MAP3K20: variants seen among roughly 807,000 people sequenced by gnomAD.
MAP3K20 encodes the protein HCCS-4.
In MAP3K20, 40 loss-of-function variants were observed where a neutral mutation model predicts 85.7. The ratio of observed to expected loss-of-function variants is 0.47; its 90% CI spans 0.36 to 0.61. The LOEUF (loss-of-function observed/expected upper bound fraction) is 0.61, where lower values mean the gene tolerates loss of function less well. Among genes scored for constraint, MAP3K20 ranks in the 20% least tolerant of loss-of-function variants. The probability of loss-of-function intolerance (pLI) is 0.00; values close to 1 mark genes in which losing one functional copy is unlikely to be tolerated. For synonymous variants in MAP3K20, 325 were observed against 327.7 expected, an observed-to-expected ratio of 0.99 and a Z score of 0.09; for missense variants, 817 against 961.7, an observed-to-expected ratio of 0.85 and a Z score of 1.99.
intron 2 of MAP3K20, 68 bp from the exon 3 acceptor site, chr2:173,169,737 A>C: frequency 1.3e-6 from 2 of 1,486,444 alleles, no homozygotes; most frequent in African/African-American, 2.8e-5. Flanking sequence ...AATGAGTAGG[A>C]AGCCTGTTTT....
At chr2:173,163,617 G>T (rs1291862809) in intron 2 of MAP3K20, among the ~76,000 whole-genome samples, 1 of 152,114 alleles carries the variant, frequency 6.6e-6, no homozygotes, top group Non-Finnish European at 1.5e-5. Context: ...AGTATTCCAT[G>T]GTATGTATGT....
At chr2:173,209,494 G>A (rs753680643) in intron 9 of MAP3K20, among the ~76,000 whole-genome samples, 1 of 152,108 alleles carries the variant, frequency 6.6e-6, no homozygotes, top group Non-Finnish European at 1.5e-5. Flanking sequence ...TAGGCCACAC[G>A]ATAGAAAACA....
At chr2:173,229,653 CTT>C (rs748770737) in intron 11 of MAP3K20, 34 bp from the exon 12 acceptor site, 10 of 1,449,498 alleles carry the variant, frequency 6.9e-6, no homozygotes, top group Non-Finnish European at 6.6e-6. Flanking sequence ...GATAATATTA[CTT>C]TTTTTTTTCA....
chr2:173,091,824 G>C (rs34676370), intron 2 of MAP3K20, among the ~76,000 whole-genome samples: 1 of 152,132 alleles, frequency 6.6e-6, no homozygotes, highest in Non-Finnish European at 1.5e-5. Context: ...TCTTAGAACT[G>C]TCATCCTTCT....
chr2:173,189,993 C>A, intron 5 of MAP3K20, among the ~76,000 whole-genome samples: 1 of 152,166 alleles, frequency 6.6e-6, no homozygotes, highest in East Asian at 1.9e-4. Flanking sequence ...AGTCTCCCCT[C>A]TGCACCTTTG....
At chr2:173,226,326 T>C in intron 11 of MAP3K20, 2 of 984,560 alleles carry the variant, frequency 2.0e-6, no homozygotes, top group Non-Finnish European at 2.4e-6. Context: ...GAGTTAAATA[T>C]TAATACTTTA....
chr2:173,190,284 C>T (rs2106274053), intron 5 of MAP3K20, among the ~76,000 whole-genome samples: 1 of 152,250 alleles, frequency 6.6e-6, no homozygotes, highest in Non-Finnish European at 1.5e-5. Context: ...AGTATTGTTT[C>T]TCTCATCATG....
intron 2 of MAP3K20, among the ~76,000 whole-genome samples, chr2:173,138,582 A>G (rs149140658): frequency 0.011 from 1,736 of 152,312 alleles, 20 homozygotes; most frequent in Middle Eastern, 0.024. Context: ...CCAAGCCCTC[A>G]TTTTAACAAT....
intron 11 of MAP3K20, chr2:173,224,192 G>C: frequency 9.5e-6 from 9 of 951,990 alleles, no homozygotes; most frequent in Non-Finnish European, 1.1e-5. Flanking sequence ...GGTTTTTAAA[G>C]TGTGGTCAGG....
rs759472503 is a variant in MAP3K20 at position 173,261,022 on chromosome 2, CTG to C, written c.1477-37_1477-36del. On this transcript the variant is annotated intron_variant, in intron 17 of 19. Transcript: ENST00000375213. ...AAGAAACATACTATAGTAGAGCAGA[CTG>C]TGTTATGGTACTACACCATCCTAAC... is the stretch of plus-strand genomic sequence containing the variant. 40 of 1,585,538 alleles carry C rather than the reference CTG, an allele frequency of 2.5e-5. No homozygotes were observed. In the South Asian group the frequency reaches 4.0e-4, roughly 16 times the overall value.
intron 3 of MAP3K20, among the ~76,000 whole-genome samples, chr2:173,182,460 C>T (rs1690359430): frequency 6.6e-6 from 1 of 152,112 alleles, no homozygotes; most frequent in Non-Finnish European, 1.5e-5. Flanking sequence ...TATGTGACAA[C>T]AATTGATTTG....
chr2:173,266,377 G>A lies in MAP3K20; in HGVS notation c.2030G>A (p.Ser677Asn). 3 of 1,614,140 alleles carry A rather than the reference G, an allele frequency of 1.9e-6. No homozygotes were observed. Among genetic ancestry groups the A allele is most frequent in the Non-Finnish European group, 8.5e-7 (1 of 1,180,004 alleles). Reference sequence around the variant, plus strand: ...GAGAGGGGTCGATACTCAGACAGAAGCAGGAACAAATATGGACGTGGTAGT... The same window carrying A: ...GAGAGGGGTCGATACTCAGACAGAAACAGGAACAAATATGGACGTGGTAGT... ...SSERGRYSDR[S>N]RNKYGRGSIS... The change falls in exon 20 of 20, where the codon AGC (serine) becomes AAC (asparagine). Residue 677 changes from serine (S) to asparagine (N), a missense_variant. Physicochemically the swap from Ser to Asn is conservative, Grantham distance 46. Transcript: ENST00000375213.
Position 173,267,872 on chromosome 2 carries a change from G to C in MAP3K20, c.*1122G>C, listed in dbSNP as rs1398669107. ...CTGTGGGCAAAGAGGTAAACCAGTGGGGGTGCAAGGAGACTGTCTGCAGCT... is the reference window on the plus strand; with the variant it reads ...CTGTGGGCAAAGAGGTAAACCAGTGCGGGTGCAAGGAGACTGTCTGCAGCT... On this transcript the variant is annotated 3_prime_UTR_variant, in exon 20 of 20. Coordinates refer to ENST00000375213, the MANE Select transcript of MAP3K20 (RefSeq NM_016653.3). The C allele has an allele frequency of 6.6e-6, 1 of 152,184 alleles. No individual in the cohort carries two copies. The highest frequency in any genetic ancestry group is 1.5e-5 in the Non-Finnish European group (1 of 68,040). The allele number at this position is 152,184 out of a possible 1,614,324, so 9.4% of individuals were successfully genotyped here. A position where few individuals can be genotyped will look rare whatever the true frequency, so the allele number is the denominator to read the frequency against.
At chr2:173,128,921 C>CTTTTTTTTTTTTTTTTTTTTTTTTTTTT (rs386391866) in intron 2 of MAP3K20, among the ~76,000 whole-genome samples, 1 of 116,092 alleles carries the variant, frequency 8.6e-6, no homozygotes. Flanking sequence ...GAAATCTTTT[C>CTTTTTTTTTTTTTTTTTTTTTTTTTTTT]TTTTTTTTTT....
intron 2 of MAP3K20, among the ~76,000 whole-genome samples, chr2:173,134,882 AGT>A (rs1688755589): frequency 6.6e-6 from 1 of 152,166 alleles, no homozygotes; most frequent in Non-Finnish European, 1.5e-5. Flanking sequence ...AGTGGTTTAA[AGT>A]GTGGATTCGG....
At chr2:173,199,420 G>A (rs1690960921) in intron 8 of MAP3K20, among the ~76,000 whole-genome samples, 1 of 152,218 alleles carries the variant, frequency 6.6e-6, no homozygotes, top group Admixed American at 6.5e-5. Flanking sequence ...AATTAAAAGT[G>A]ATAGTAATTC....
intron 2 of MAP3K20, among the ~76,000 whole-genome samples, chr2:173,096,404 A>G (rs187647666): frequency 6.0e-5 from 9 of 151,214 alleles, no homozygotes; most frequent in Admixed American, 3.9e-4. Context: ...CAGTGGTGCA[A>G]TCTCCGTTCA....
intron 2 of MAP3K20, among the ~76,000 whole-genome samples, chr2:173,119,586 C>T (rs1388543564): frequency 1.3e-5 from 2 of 152,204 alleles, no homozygotes; most frequent in Non-Finnish European, 2.9e-5. Context: ...GCTCCAGTAT[C>T]ACGAGGCAGC....
intron 2 of MAP3K20, among the ~76,000 whole-genome samples, chr2:173,165,611 TGTG>T (rs1318119698): frequency 4.6e-5 from 7 of 152,204 alleles, no homozygotes; most frequent in Non-Finnish European, 8.8e-5. Context: ...ACTTTTGTAT[TGTG>T]GTAAAATATG....
Sources: allele counts gnomAD v4.1 joint callset (sites outside exome capture counted in the v4.1 genomes callset), GRCh38; gene constraint gnomAD v4.1.1; transcripts MANE v1.5; gene names NCBI Gene and HGNC (gene_info 2026-07-23, HGNC 2026-07-21).